Variants in FAM169A observed in about 807,000 individuals in gnomAD.
The protein encoded by FAM169A is family with sequence similarity 169 member A.
Under a neutral mutation model 75.7 loss-of-function variants are expected in FAM169A, and 24 were observed. That is an observed-to-expected ratio of 0.32 (90% confidence interval 0.23 to 0.45). The LOEUF is 0.45. Ranked by LOEUF, FAM169A falls within the 20% of genes least tolerant of loss-of-function variation. The pLI, the probability that FAM169A is intolerant of heterozygous loss-of-function variation, is 1.00. For synonymous variants in FAM169A, 271 were observed against 271.0 expected (o/e 1.00, Z 0.00); for missense variants, 673 against 784.0 (o/e 0.86, Z 1.69).
At chr5:74,806,256 GTACAC>G (rs1288384206) in intron 6 of FAM169A, among the ~76,000 whole-genome samples, 4 of 152,056 alleles carry the variant, frequency 2.6e-5, no homozygotes, top group Non-Finnish European at 5.9e-5. Context: ...AGAACCACAC[GTACAC>G]TACAACTTGC....
intron 12 of FAM169A, 24 bp from the exon 13 acceptor site, chr5:74,782,032 CAAAT>C: frequency 1.9e-6 from 3 of 1,565,240 alleles, no homozygotes; most frequent in Non-Finnish European, 2.6e-6. Flanking sequence ...ACCTGGTCAA[CAAAT>C]AAACTTGTAC....
In FAM169A at chr5:74,783,073, A is replaced by C; in HGVS notation, c.1322T>G (p.Ile441Arg). 6.2e-7 allele frequency: 1 copy of C among 1,613,852 alleles called. No individual in the cohort carries two copies. Among genetic ancestry groups the C allele is most frequent in the Non-Finnish European group, 8.5e-7 (1 of 1,179,730 alleles). ...ACTAGTGGAGTCTTCCTCTTCTGTT[A>C]TAAGTGAGGTCTTAAGAGAATCGTC... Reference protein sequence around the residue: ...IMDDSLKTSLITEEEDSTSEV... With the variant: ...IMDDSLKTSLRTEEEDSTSEV... The change falls in exon 12 of 13, where the codon ATA becomes AGA. Residue 441 changes from isoleucine to arginine, a missense_variant. Coordinates refer to ENST00000687041, the MANE Select transcript of FAM169A (RefSeq NM_001376049.1).
chr5:74,781,700 C>G lies in FAM169A; in HGVS notation c.1773G>C (p.Leu591Phe). ...ETSTALPQSS[L>F]IEVELEDVPF... ...GCACGTCTTCAAGTTCAACCTCTAT[C>G]AAAGAACTCTGAGGAAGAGCAGTAG... Residue 591 changes from leucine to phenylalanine, a missense_variant, in exon 13 of 13, where the codon TTG becomes TTC. Physicochemically the swap from Leu to Phe is conservative, Grantham distance 22 (BLOSUM62 0). Around this residue, in one of 3 missense-constraint regions of FAM169A, gnomAD observed 510 missense variants for 550.9 expected, o/e 0.93. Transcript: ENST00000687041. The G allele has an allele frequency of 6.2e-7, 1 of 1,614,150 alleles. No homozygotes were observed. Among genetic ancestry groups the G allele is most frequent in the Non-Finnish European group, 8.5e-7 (1 of 1,180,008 alleles).
chr5:74,782,595 T>C (rs1745467972), intron 12 of FAM169A, among the ~76,000 whole-genome samples: 1 of 152,192 alleles, frequency 6.6e-6, no homozygotes, highest in African/African-American at 2.4e-5. Context: ...AAAACAAATA[T>C]AAATTACTGT....
intron 5 of FAM169A, among the ~76,000 whole-genome samples, chr5:74,829,693 G>T (rs532695141): frequency 2.0e-5 from 3 of 152,214 alleles, no homozygotes; most frequent in Non-Finnish European, 4.4e-5. Flanking sequence ...CAAGAAGCCC[G>T]ACAGGCGTGG....
At position 74,813,483 on chromosome 5, in the gene FAM169A, C is replaced by T. The variant is rs550575795; in HGVS notation, c.670+357G>A. ...CTGGGATCACAGGCACGTGCCACCA[C>T]GCCCAGTTAATTGTTTATTTTTAGT... On this transcript the variant is annotated intron_variant, in intron 6 of 12. Coordinates refer to ENST00000687041, the MANE Select transcript of FAM169A (RefSeq NM_001376049.1). 1.8e-4 allele frequency among the ~76,000 whole-genome samples: 28 copies of T among 151,972 alleles called. No individual in the cohort carries two copies. In the South Asian group the frequency reaches 4.8e-3, roughly 26 times the overall value.
intron 6 of FAM169A, among the ~76,000 whole-genome samples, chr5:74,807,177 C>T (rs918909073): frequency 6.6e-6 from 1 of 152,164 alleles, no homozygotes; most frequent in African/African-American, 2.4e-5. Flanking sequence ...GTCAAAAATG[C>T]ATTCACTACA....
chr5:74,866,346 G>C lies in FAM169A; in HGVS notation c.-185C>G, dbSNP rs888863214. 1.0e-6 allele frequency: 1 copy of C among 984,284 alleles called. No individual in the cohort carries two copies. The highest frequency in any genetic ancestry group is 1.8e-5 in the African/African-American group (1 of 57,098). 61.0% of individuals were successfully genotyped at this position (984,284 alleles called of 1,614,324 possible). ...CCGGACGCCCGGCTCCTCGTCGCGGGTCGGCCGCGGCCCACCGTGCCCTCC... is the reference window on the plus strand; with the variant it reads ...CCGGACGCCCGGCTCCTCGTCGCGGCTCGGCCGCGGCCCACCGTGCCCTCC... On this transcript the variant is annotated 5_prime_UTR_variant, in exon 1 of 13. Transcript: ENST00000687041.
intron 5 of FAM169A, among the ~76,000 whole-genome samples, chr5:74,819,892 T>G (rs759987587): frequency 6.6e-6 from 1 of 151,952 alleles, no homozygotes; most frequent in African/African-American, 2.4e-5. Flanking sequence ...AGACTGCTAA[T>G]GAACAGAGTT....
chr5:74,835,587 G>A (rs1024899823), intron 4 of FAM169A, among the ~76,000 whole-genome samples: 3 of 130,040 alleles, frequency 2.3e-5, no homozygotes, highest in Non-Finnish European at 4.7e-5. Flanking sequence ...GGGCGACAGA[G>A]TGAGACTGTG....
At chr5:74,809,908 A>C (rs76303987) in intron 6 of FAM169A, among the ~76,000 whole-genome samples, 3 of 152,212 alleles carry the variant, frequency 2.0e-5, no homozygotes, top group Non-Finnish European at 4.4e-5. Flanking sequence ...AAATGACATA[A>C]CTACTTAGCA....
At chr5:74,848,632 C>T (rs891051663) in intron 1 of FAM169A, 1 of 152,104 alleles carries the variant, frequency 6.6e-6, no homozygotes, top group African/African-American at 2.4e-5. Flanking sequence ...AGTTACTTAC[C>T]CTCTTTAGGC....
intron 1 of FAM169A, among the ~76,000 whole-genome samples, chr5:74,857,108 C>CAAAAAA (rs772315121): frequency 1.5e-5 from 1 of 67,898 alleles, no homozygotes; most frequent in Non-Finnish European, 2.8e-5. Flanking sequence ...GACTCCACCT[C>CAAAAAA]AAAAAAAAAA....
intron 5 of FAM169A, among the ~76,000 whole-genome samples, chr5:74,819,993 C>CT (rs56815603): frequency 0.069 from 8,182 of 118,954 alleles, 593 homozygotes; most frequent in Admixed American, 0.19. Context: ...GAATTGTATC[C>CT]TTTTTTTTTT....
intron 5 of FAM169A, among the ~76,000 whole-genome samples, chr5:74,827,035 C>T (rs552008728): frequency 8.1e-4 from 123 of 152,102 alleles, no homozygotes; most frequent in Non-Finnish European, 1.5e-3. Context: ...GAACTGAGAT[C>T]ATAAATTTTG....
intron 6 of FAM169A, 40 bp downstream of exon 6, chr5:74,813,800 A>G: frequency 7.1e-7 from 1 of 1,411,960 alleles, no homozygotes; most frequent in Non-Finnish European, 9.4e-7. Context: ...CGGAAGTGAC[A>G]CAAAGACAAG....
chr5:74,860,792 T>C (rs940764070), intron 1 of FAM169A, among the ~76,000 whole-genome samples: 5 of 107,996 alleles, frequency 4.6e-5, no homozygotes, highest in Non-Finnish European at 9.3e-5. Flanking sequence ...GCACAATCCA[T>C]AAATGCAGGG....
At chr5:74,791,730 A>T in intron 11 of FAM169A, among the ~76,000 whole-genome samples, 1 of 152,210 alleles carries the variant, frequency 6.6e-6, no homozygotes, top group Non-Finnish European at 1.5e-5. Flanking sequence ...AGGCAAGACT[A>T]CAAATGGCCC....
chr5:74,799,460 T>G (rs1227952490), intron 10 of FAM169A: 1 of 1,611,966 alleles, frequency 6.2e-7, no homozygotes, highest in African/African-American at 1.3e-5. Flanking sequence ...AACAATGTTT[T>G]GCTGGCAGCA....
Sources: allele counts gnomAD v4.1 joint callset (sites outside exome capture counted in the v4.1 genomes callset), GRCh38; gene constraint gnomAD v4.1.1; regional missense constraint gnomAD v4.1.1; transcripts MANE v1.5; gene names NCBI Gene and HGNC (gene_info 2026-07-23, HGNC 2026-07-21).